The following DLG2 variants were observed in gnomAD, a reference collection of about 807,000 sequenced individuals.
The protein encoded by DLG2 is disks large homolog 2.
Under a neutral mutation model 132.5 loss-of-function variants are expected in DLG2, and 45 were observed. That is an observed-to-expected ratio of 0.34 (90% CI 0.27 to 0.44). The LOEUF is 0.44. Among genes scored for constraint, DLG2 ranks in the 20% least tolerant of loss-of-function variants. The probability of loss-of-function intolerance (pLI) is 1.00; values close to 1 mark genes in which losing one functional copy is unlikely to be tolerated. For synonymous variants in DLG2, 424 were observed against 419.6 expected, an observed-to-expected ratio of 1.01 and a Z score of -0.13; for missense variants, 1,045 against 1,196.9, an observed-to-expected ratio of 0.87 and a Z score of 1.87.
chr11:84,667,506 T>G (rs2099701110), intron 6 of DLG2, among the ~76,000 whole-genome samples: 1 of 147,850 alleles, frequency 6.8e-6, no homozygotes, highest in Non-Finnish European at 1.5e-5. Context: ...TTGTTTTTTT[T>G]TTTTTTTTGA....
intron 3 of DLG2, chr11:85,452,425 T>G (rs2092279606): frequency 6.4e-6 from 1 of 156,292 alleles, no homozygotes; most frequent in South Asian, 2.0e-4. Context: ...GCTACCACTA[T>G]AGCCACCTCA....
chr11:84,122,042 T>C (rs901227188), intron 9 of DLG2, among the ~76,000 whole-genome samples: 4 of 151,642 alleles, frequency 2.6e-5, no homozygotes, highest in African/African-American at 7.3e-5. Flanking sequence ...AATTCTGGGC[T>C]GGGTGCGGTG....
intron 8 of DLG2, among the ~76,000 whole-genome samples, chr11:84,189,098 G>C (rs990316977): frequency 1.6e-4 from 24 of 152,120 alleles, no homozygotes; most frequent in Non-Finnish European, 7.4e-5. Flanking sequence ...TCTAATTTTA[G>C]GACAATGGAT....
At chr11:85,175,417 C>G (rs62519445) in intron 4 of DLG2, among the ~76,000 whole-genome samples, 1 of 152,124 alleles carries the variant, frequency 6.6e-6, no homozygotes, top group African/African-American at 2.4e-5. Context: ...ATTCAACATC[C>G]TTTTATGTTA....
At chr11:84,358,377 T>C (rs989380060) in intron 7 of DLG2, among the ~76,000 whole-genome samples, 5 of 151,706 alleles carry the variant, frequency 3.3e-5, no homozygotes, top group South Asian at 4.2e-4. Flanking sequence ...TTTTTTTTTT[T>C]TTTTTTTAGA....
intron 6 of DLG2, among the ~76,000 whole-genome samples, chr11:84,778,917 G>A (rs1442253165): frequency 6.6e-6 from 1 of 152,150 alleles, no homozygotes; most frequent in African/African-American, 2.4e-5. Context: ...TTTCTCCTGT[G>A]AGGGATGCTT....
At chr11:85,534,184 C>T (rs2075412387) in intron 3 of DLG2, among the ~76,000 whole-genome samples, 1 of 151,928 alleles carries the variant, frequency 6.6e-6, no homozygotes, top group African/African-American at 2.4e-5. Flanking sequence ...CCTGGACTCA[C>T]ATGATCCACC....
chr11:85,142,848 T>C (rs1315683248), intron 5 of DLG2, among the ~76,000 whole-genome samples: 1 of 151,812 alleles, frequency 6.6e-6, no homozygotes, highest in Non-Finnish European at 1.5e-5. Flanking sequence ...CAATATGATA[T>C]ATTACATTGA....
At chr11:84,091,394 C>G (rs2097091723) in intron 10 of DLG2, among the ~76,000 whole-genome samples, 1 of 152,188 alleles carries the variant, frequency 6.6e-6, no homozygotes, top group East Asian at 1.9e-4. Flanking sequence ...TCTGCTGTCC[C>G]TCCACCCGAG....
chr11:84,776,030 G>T (rs1037065051), intron 6 of DLG2, among the ~76,000 whole-genome samples: 1 of 152,098 alleles, frequency 6.6e-6, no homozygotes, highest in African/African-American at 2.4e-5. Context: ...TCTGATAACT[G>T]ATATTTCTTA....
At chr11:83,789,754 G>T (rs2041026904) in intron 17 of DLG2, among the ~76,000 whole-genome samples, 1 of 152,092 alleles carries the variant, frequency 6.6e-6, no homozygotes, top group Non-Finnish European at 1.5e-5. Flanking sequence ...CACCATGTTG[G>T]CCAGGATGGT....
intron 11 of DLG2, among the ~76,000 whole-genome samples, chr11:83,984,487 C>A (rs1004002034): frequency 2.0e-5 from 3 of 151,994 alleles, no homozygotes; most frequent in Non-Finnish European, 4.4e-5. Flanking sequence ...ATGAATAAAT[C>A]TGTAGTTTAT....
intron 7 of DLG2, among the ~76,000 whole-genome samples, chr11:84,481,035 G>A (rs2099136087): frequency 6.6e-6 from 1 of 151,796 alleles, no homozygotes; most frequent in African/African-American, 2.4e-5. Context: ...CACTGTGCCT[G>A]GCCCAGTAAT....
intron 18 of DLG2, among the ~76,000 whole-genome samples, chr11:83,724,639 AT>A (rs2089614505): frequency 6.6e-6 from 1 of 152,136 alleles, no homozygotes; most frequent in East Asian, 1.9e-4. Flanking sequence ...AAATTCACTG[AT>A]TGTTGTTCTC....
At chr11:84,642,264 A>G (rs1379687890) in intron 6 of DLG2, among the ~76,000 whole-genome samples, 1 of 151,784 alleles carries the variant, frequency 6.6e-6, no homozygotes, top group Non-Finnish European at 1.5e-5. Flanking sequence ...TAACCAATTC[A>G]TCCAAGTAAC....
chr11:85,627,481 T>C (rs1679003816), upstream of DLG2: 1 of 152,238 alleles, frequency 6.6e-6, no homozygotes, highest in Non-Finnish European at 1.5e-5. Flanking sequence ...TCTCTTCGCA[T>C]TCAAGCAGCT....
At chr11:85,241,049 AT>A (rs2152676231) in intron 4 of DLG2, among the ~76,000 whole-genome samples, 1 of 151,852 alleles carries the variant, frequency 6.6e-6, no homozygotes, top group African/African-American at 2.4e-5. Flanking sequence ...ACATGATTTT[AT>A]TTATTTAGAT....
chr11:84,711,122 T>A (rs1319827480), intron 6 of DLG2, among the ~76,000 whole-genome samples: 2 of 151,020 alleles, frequency 1.3e-5, no homozygotes, highest in African/African-American at 4.9e-5. Flanking sequence ...AATCTGTGAC[T>A]TACAATAAAG....
At chr11:84,704,705 A>G (rs935170378) in intron 6 of DLG2, among the ~76,000 whole-genome samples, 1 of 151,514 alleles carries the variant, frequency 6.6e-6, no homozygotes, top group Admixed American at 6.6e-5. Flanking sequence ...TGGCTTAACC[A>G]TTATTGACCA....
Sources: gnomAD v4.1 joint callset for allele counts (sites outside exome capture counted in the v4.1 genomes callset) on GRCh38, gnomAD v4.1.1 for gene constraint, MANE v1.5 for transcripts, NCBI Gene and HGNC (gene_info 2026-07-23, HGNC 2026-07-21) for gene names.